The following SPHK1 variants were observed in gnomAD, a reference collection of about 807,000 sequenced individuals.
The protein encoded by SPHK1 is sphingosine kinase 1, also known as SK 1.
Under a neutral mutation model 14.6 loss-of-function variants are expected in SPHK1, and 10 were observed. That is an observed-to-expected ratio of 0.68 (90% CI 0.42 to 1.16). The LOEUF (loss-of-function observed/expected upper bound fraction) is 1.16. Ranked by LOEUF, SPHK1 falls within the 50% of genes most tolerant of loss-of-function variation. The pLI is 0.00. For missense variants in SPHK1, 553 were observed against 525.4 expected, an observed-to-expected ratio of 1.05 and a Z score of -0.51; for synonymous variants, 274 against 224.0, an observed-to-expected ratio of 1.22 and a Z score of -1.99.
Position 76,386,062 on chromosome 17 carries a change from G to A in SPHK1, c.88G>A (p.Ala30Thr). The A allele has an allele frequency of 1.2e-6, 2 of 1,608,166 alleles. No individual in the cohort carries two copies. Among genetic ancestry groups the A allele is most frequent in the Non-Finnish European group, 1.7e-6 (2 of 1,177,236 alleles). The part of the protein sequence containing the change: ...LLNPRGGKGK[A>T]LQLFRSHVQP... ...GAACCCGCGCGGCGGCAAGGGCAAG[G>A]CCTTGCAGCTCTTCCGGAGTCACGT... The change falls in exon 3 of 6, where the codon GCC becomes ACC. Residue 30 changes from alanine (A) to threonine (T), a missense_variant. Coordinates refer to ENST00000592299, the MANE Select transcript of SPHK1 (RefSeq NM_001142601.2). The surrounding 1 kb of genome is among the most constrained non-coding windows in gnomAD (Gnocchi z 5.3).
Position 76,386,564 on chromosome 17 carries a change from G to A in SPHK1, c.374+56G>A. On this transcript the variant is annotated intron_variant, in intron 5 of 5. Transcript: ENST00000592299. The surrounding 1 kb of genome is among the most constrained non-coding windows in gnomAD (Gnocchi z 5.3). ...TCCCGTCAGTGCTCCTCTACCGCGG[G>A]GGTTTTCTTGTCTAAGCTCCCATAG... The A allele has an allele frequency of 6.6e-7, 1 of 1,509,046 alleles. No homozygotes were observed. The highest frequency in any genetic ancestry group is 9.0e-7 in the Non-Finnish European group (1 of 1,106,880). 93.5% of individuals were successfully genotyped at this position (1,509,046 alleles called of 1,614,324 possible).
chr17:76,385,146 C>T lies in SPHK1; in HGVS notation c.-194-305C>T. 2 of 1,594,780 alleles carry T rather than the reference C, an allele frequency of 1.3e-6. No homozygotes were observed. Among genetic ancestry groups the T allele is most frequent in the South Asian group, 1.1e-5 (1 of 87,474 alleles). ...CTGGGATTTTTACGCAGCTGGACTC[C>T]CCTCCCCCTGGCAGCCCCGAGGGGT... On this transcript the variant is annotated intron_variant, in intron 1 of 5. Coordinates refer to ENST00000592299, the MANE Select transcript of SPHK1 (RefSeq NM_001142601.2). The surrounding 1 kb of genome is among the most constrained non-coding windows in gnomAD (Gnocchi z 5.3).
In SPHK1 at chr17:76,386,992, G is replaced by A. The variant is rs1226949434; in HGVS notation, c.561G>A (p.Leu187=). The part of the protein sequence containing the change: ...VDLESEKYRR[L]GEMRFTLGTF... ...TAGAGAGTGAGAAGTATCGGCGTCTGGGGGAGATGCGCTTCACTCTGGGCA... is the reference window on the plus strand; with the variant it reads ...TAGAGAGTGAGAAGTATCGGCGTCTAGGGGAGATGCGCTTCACTCTGGGCA... Residue 187 remains leucine, a synonymous_variant, in exon 6 of 6, where the codon CTG becomes CTA. Transcript: ENST00000592299. The surrounding 1 kb of genome is among the most constrained non-coding windows in gnomAD (Gnocchi z 5.3). 1 of 1,613,566 alleles carries A rather than the reference G, an allele frequency of 6.2e-7. No individual in the cohort carries two copies. Among genetic ancestry groups the A allele is most frequent in the African/African-American group, 1.3e-5 (1 of 74,930 alleles).
Position 76,386,043 on chromosome 17 carries a change from G to A in SPHK1, c.69G>A (p.Pro23=). The change falls in exon 3 of 6, where the codon CCG becomes CCA. Residue 23 remains proline (P), a synonymous_variant. Transcript: ENST00000592299. The surrounding 1 kb of genome is among the most constrained non-coding windows in gnomAD (Gnocchi z 5.3). Reference sequence around the variant, plus strand: ...GCCGCGTGCTGGTGCTGCTGAACCCGCGCGGCGGCAAGGGCAAGGCCTTGC... The same window carrying A: ...GCCGCGTGCTGGTGCTGCTGAACCCACGCGGCGGCAAGGGCAAGGCCTTGC... ...RPCRVLVLLN[P]RGGKGKALQL... 6.2e-7 allele frequency: 1 copy of A among 1,607,864 alleles called. No individual in the cohort carries two copies.
At position 76,387,134 on chromosome 17, in the gene SPHK1, G is replaced by C. The variant is rs1392434887; in HGVS notation, c.703G>C (p.Asp235His). Reference sequence around the variant, plus strand: ...CGTTGTGGTCCAGCAGGGCCCGGTAGATGCACACCTTGTGCCACTGGAGGA... The same window carrying C: ...CGTTGTGGTCCAGCAGGGCCCGGTACATGCACACCTTGTGCCACTGGAGGA... The part of the protein sequence containing the change: ...SPVVVQQGPV[D>H]AHLVPLEEPV... The change falls in exon 6 of 6, where the codon GAT becomes CAT. Residue 235 changes from aspartate (D) to histidine (H), a missense_variant. Transcript: ENST00000592299. This position sits in a 1 kb window ranked among gnomAD's most constrained non-coding sequence, Gnocchi z 4.1. 1.2e-6 allele frequency: 2 copies of C among 1,613,126 alleles called. No homozygotes were observed. The highest frequency in any genetic ancestry group is 2.7e-5 in the African/African-American group (2 of 74,924).
Position 76,387,716 on chromosome 17 carries a change from C to T in SPHK1, c.*130C>T. 9.0e-7 allele frequency: 1 copy of T among 1,115,494 alleles called. No homozygotes were observed. Among genetic ancestry groups the T allele is most frequent in the Non-Finnish European group, 1.2e-6 (1 of 810,466 alleles). The allele number at this position is 1,115,494 out of a possible 1,614,324, so 69.1% of individuals were successfully genotyped here. A position where few individuals can be genotyped will look rare whatever the true frequency, so the allele number is the denominator to read the frequency against. The stretch of plus-strand genomic sequence containing the variant: ...CTGGAGAAGGGTGAGAAGGTGGAGG[C>T]TATGCTTTGGGGGGACAGGCCAGAA... On this transcript the variant is annotated 3_prime_UTR_variant, in exon 6 of 6. Transcript: ENST00000592299. This position sits in a 1 kb window ranked among gnomAD's most constrained non-coding sequence, Gnocchi z 4.1.
In SPHK1 at chr17:76,386,912, C is replaced by T. The variant is rs1378570610; in HGVS notation, c.481C>T (p.Leu161=). The change falls in exon 6 of 6, where the codon CTG becomes TTG. Residue 161 remains leucine (L), a synonymous_variant. Coordinates refer to ENST00000592299, the MANE Select transcript of SPHK1 (RefSeq NM_001142601.2). The surrounding 1 kb of genome is among the most constrained non-coding windows in gnomAD (Gnocchi z 5.3). ...NLLSLHTASG[L]RLFSVLSLAW... Reference sequence around the variant, plus strand: ...GCTGTCTCTGCACACGGCTTCGGGGCTGCGCCTCTTCTCTGTGCTCAGCCT... The same window carrying T: ...GCTGTCTCTGCACACGGCTTCGGGGTTGCGCCTCTTCTCTGTGCTCAGCCT... The T allele has an allele frequency of 1.9e-6, 3 of 1,612,730 alleles. No individual in the cohort carries two copies. Among genetic ancestry groups the T allele is most frequent in the Non-Finnish European group, 2.5e-6 (3 of 1,179,466 alleles).
rs1261854785 is a variant in SPHK1 at position 76,385,097 on chromosome 17, T to G, written c.-195+291T>G. The G allele has an allele frequency of 5.8e-6, 9 of 1,562,496 alleles. No homozygotes were observed. Among genetic ancestry groups the G allele is most frequent in the Non-Finnish European group, 7.8e-6 (9 of 1,153,422 alleles). Reference sequence around the variant, plus strand: ...GCAGGGATCCTCTCCCAGAACTTCGTGCCCAGCAATGTCCGCTCAAGTTCT... The same window carrying G: ...GCAGGGATCCTCTCCCAGAACTTCGGGCCCAGCAATGTCCGCTCAAGTTCT... On this transcript the variant is annotated intron_variant, in intron 1 of 5. Coordinates refer to ENST00000592299, the MANE Select transcript of SPHK1 (RefSeq NM_001142601.2). The surrounding 1 kb of genome is among the most constrained non-coding windows in gnomAD (Gnocchi z 5.3).
Position 76,385,872 on chromosome 17 carries a change from G to A in SPHK1, c.11-113G>A, listed in dbSNP as rs558098557. ...CAGCAAAGGCCGCTCCTCTGGCCAGGGTCAATTACCGGGGTGTTTCGGGCA... is the reference window on the plus strand; with the variant it reads ...CAGCAAAGGCCGCTCCTCTGGCCAGAGTCAATTACCGGGGTGTTTCGGGCA... On this transcript the variant is annotated intron_variant, in intron 2 of 5. Transcript: ENST00000592299. This position sits in a 1 kb window ranked among gnomAD's most constrained non-coding sequence, Gnocchi z 5.3. 50 of 1,488,532 alleles carry A rather than the reference G, an allele frequency of 3.4e-5. No homozygotes were observed. The African/African-American group carries it at 7.0e-4, about 21-fold the overall frequency. The allele number at this position is 1,488,532 out of a possible 1,614,324, so 92.2% of individuals were successfully genotyped here.
chr17:76,385,564 C>G lies in SPHK1; in HGVS notation c.-81C>G. ...CCGCCTGGGCAGCACCGATAAGGAG[C>G]TGAAGGCAGGAGCCGCCGCCACGGG... On this transcript the variant is annotated 5_prime_UTR_variant, in exon 2 of 6. Coordinates refer to ENST00000592299, the MANE Select transcript of SPHK1 (RefSeq NM_001142601.2). The surrounding 1 kb of genome is among the most constrained non-coding windows in gnomAD (Gnocchi z 5.3). The G allele has an allele frequency of 1.9e-6, 3 of 1,540,164 alleles. No homozygotes were observed. The highest frequency in any genetic ancestry group is 2.6e-6 in the Non-Finnish European group (3 of 1,149,470).
In SPHK1 at chr17:76,387,676, G is replaced by A. The variant is rs2072020650; in HGVS notation, c.*90G>A. The A allele has an allele frequency of 1.5e-6, 2 of 1,374,998 alleles. No individual in the cohort carries two copies. Among genetic ancestry groups the A allele is most frequent in the Non-Finnish European group, 1.9e-6 (2 of 1,028,444 alleles). The allele number at this position is 1,374,998 out of a possible 1,614,324, so 85.2% of individuals were successfully genotyped here. A position where few individuals can be genotyped will look rare whatever the true frequency, so the allele number is the denominator to read the frequency against. ...GGGCCTGTCCACAGCTCCTGTGGGG[G>A]TGGAGGAGACTCCTCTGGAGAAGGG... On this transcript the variant is annotated 3_prime_UTR_variant, in exon 6 of 6. Transcript: ENST00000592299. This position sits in a 1 kb window ranked among gnomAD's most constrained non-coding sequence, Gnocchi z 4.1.
chr17:76,384,809 A>C lies in SPHK1; in HGVS notation c.-195+3A>C. The C allele has an allele frequency of 3.4e-6, 1 of 294,734 alleles. No homozygotes were observed. The highest frequency in any genetic ancestry group is 6.3e-6 in the Non-Finnish European group (1 of 159,490). The allele number at this position is 294,734 out of a possible 1,614,324, so 18.3% of individuals were successfully genotyped here. ...CCCCAGCAAACCGGACCGACTGGGTAGGGCCGCCCACCCTGCCTTCGCGCC... is the reference window on the plus strand; with the variant it reads ...CCCCAGCAAACCGGACCGACTGGGTCGGGCCGCCCACCCTGCCTTCGCGCC... On this transcript the variant is annotated splice_donor_region_variant and intron_variant, in intron 1 of 5. Transcript: ENST00000592299.
rs1349251360 is a variant in SPHK1, at chr17:76,386,888, C to T, written c.457C>T (p.Leu153=). 6.2e-7 allele frequency: 1 copy of T among 1,610,402 alleles called. No homozygotes were observed. The highest frequency in any genetic ancestry group is 1.3e-5 in the African/African-American group (1 of 74,878). Residue 153 remains leucine (L), a synonymous_variant, in exon 6 of 6, where the codon CTG becomes TTG. Transcript: ENST00000592299. This position sits in a 1 kb window ranked among gnomAD's most constrained non-coding sequence, Gnocchi z 5.3. ...CRRLLSPMNL[L]SLHTASGLRL... is the part of the protein sequence containing the mutation. ...CCGGCTGCTGTCACCCATGAACCTG[C>T]TGTCTCTGCACACGGCTTCGGGGCT...
rs116351090 is a variant in SPHK1 at position 76,386,638 on chromosome 17, C to T, written c.374+130C>T. 5.8e-4 allele frequency: 667 copies of T among 1,150,392 alleles called. 8 individuals are homozygous for T. In the African/African-American group the frequency reaches 8.8e-3, roughly 15 times the overall value. The allele number at this position is 1,150,392 out of a possible 1,614,324, so 71.3% of individuals were successfully genotyped here. A position where few individuals can be genotyped will look rare whatever the true frequency, so the allele number is the denominator to read the frequency against. ...TTCTCCCTTAGTCCTGGGGCCCTCT[C>T]CTGGTGACCCCAGCTGACTGCTTCC... On this transcript the variant is annotated intron_variant, in intron 5 of 5. Transcript: ENST00000592299. The surrounding 1 kb of genome is among the most constrained non-coding windows in gnomAD (Gnocchi z 5.3).
At position 76,385,991 on chromosome 17, in the gene SPHK1, G is replaced by GCC; in HGVS notation, c.21_22dup (p.Arg8ProfsTer15). 1 of 1,598,152 alleles carries GCC rather than the reference G, an allele frequency of 6.3e-7. No homozygotes were observed. Among genetic ancestry groups the GCC allele is most frequent in the Non-Finnish European group, 8.5e-7 (1 of 1,171,502 alleles). ...TTTGGTTTTGTTTTCTCAGCGGGCGGCCCCCGGGGCGTGCTCCCGCGGCCC... is the reference window on the plus strand; with the variant it reads ...TTTGGTTTTGTTTTCTCAGCGGGCGGCCCCCCCGGGGCGTGCTCCCGCGGCCC... On this transcript the variant is annotated frameshift_variant, in exon 3 of 6. Coordinates refer to ENST00000592299, the MANE Select transcript of SPHK1 (RefSeq NM_001142601.2). LOFTEE classifies it high-confidence loss of function. The surrounding 1 kb of genome is among the most constrained non-coding windows in gnomAD (Gnocchi z 5.3).
rs1388342186 is a variant in SPHK1 at position 76,384,784 on chromosome 17, C to T, written c.-217C>T. 3 of 240,426 alleles carry T rather than the reference C, an allele frequency of 1.2e-5. No individual in the cohort carries two copies. The highest frequency in any genetic ancestry group is 6.8e-5 in the African/African-American group (3 of 43,876). 14.9% of individuals were successfully genotyped at this position (240,426 alleles called of 1,614,324 possible). A position where few individuals can be genotyped will look rare whatever the true frequency, so the allele number is the denominator to read the frequency against. On this transcript the variant is annotated 5_prime_UTR_variant, in exon 1 of 6. Coordinates refer to ENST00000592299, the MANE Select transcript of SPHK1 (RefSeq NM_001142601.2). ...ACTGTAGGGAACGGCGGTGGCGCCTCCCCAGCAAACCGGACCGACTGGGTA... is the reference window on the plus strand; with the variant it reads ...ACTGTAGGGAACGGCGGTGGCGCCTTCCCAGCAAACCGGACCGACTGGGTA...
In SPHK1 at chr17:76,385,627, G is replaced by T; in HGVS notation, c.-18G>T. The T allele has an allele frequency of 1.9e-6, 3 of 1,538,582 alleles. No homozygotes were observed. Among genetic ancestry groups the T allele is most frequent in the Non-Finnish European group, 2.6e-6 (3 of 1,147,702 alleles). ...AGCGCCAGGGACCCCCTGGCAGCGG[G>T]AGCCGCGGGTCGAGGTTATGGATCC... On this transcript the variant is annotated 5_prime_UTR_variant, in exon 2 of 6. Transcript: ENST00000592299. The surrounding 1 kb of genome is among the most constrained non-coding windows in gnomAD (Gnocchi z 5.3).
chr17:76,385,885 G>A lies in SPHK1; in HGVS notation c.11-100G>A. ...TCCTCTGGCCAGGGTCAATTACCGGGGTGTTTCGGGCACCAAGTTCCCACA... is the reference window on the plus strand; with the variant it reads ...TCCTCTGGCCAGGGTCAATTACCGGAGTGTTTCGGGCACCAAGTTCCCACA... On this transcript the variant is annotated intron_variant, in intron 2 of 5. Coordinates refer to ENST00000592299, the MANE Select transcript of SPHK1 (RefSeq NM_001142601.2). This position sits in a 1 kb window ranked among gnomAD's most constrained non-coding sequence, Gnocchi z 5.3. 6.7e-7 allele frequency: 1 copy of A among 1,492,240 alleles called. No individual in the cohort carries two copies. The highest frequency in any genetic ancestry group is 2.5e-5 in the East Asian group (1 of 40,558). The allele number at this position is 1,492,240 out of a possible 1,614,324, so 92.4% of individuals were successfully genotyped here.
Position 76,386,024 on chromosome 17 carries a change from T to A in SPHK1, c.50T>A (p.Val17Glu), listed in dbSNP as rs752819610. 2 of 1,605,964 alleles carry A rather than the reference T, an allele frequency of 1.2e-6. No homozygotes were observed. Among genetic ancestry groups the A allele is most frequent in the South Asian group, 2.2e-5 (2 of 90,636 alleles). The change falls in exon 3 of 6, where the codon GTG (valine) becomes GAG (glutamate). Residue 17 changes from valine to glutamate, a missense_variant. Coordinates refer to ENST00000592299, the MANE Select transcript of SPHK1 (RefSeq NM_001142601.2). This position sits in a 1 kb window ranked among gnomAD's most constrained non-coding sequence, Gnocchi z 5.3. Reference sequence around the variant, plus strand: ...GGCGTGCTCCCGCGGCCCTGCCGCGTGCTGGTGCTGCTGAACCCGCGCGGC... The same window carrying A: ...GGCGTGCTCCCGCGGCCCTGCCGCGAGCTGGTGCTGCTGAACCCGCGCGGC... ...PRGVLPRPCRVLVLLNPRGGK... is the reference protein window; with the variant it reads ...PRGVLPRPCRELVLLNPRGGK...
Sources: allele counts gnomAD v4.1 joint callset, GRCh38; gene constraint gnomAD v4.1.1; non-coding constraint Gnocchi (gnomAD v3.1); transcripts MANE v1.5; gene names NCBI Gene and HGNC (gene_info 2026-07-23, HGNC 2026-07-21).